IL7: variants seen among roughly 807,000 people sequenced by gnomAD.
The protein encoded by IL7 is interleukin-7.
IL7 carries 3 observed loss-of-function variants against 21.6 expected under a neutral mutation model. That is an observed-to-expected ratio of 0.14 (90% confidence interval 0.06 to 0.36). The LOEUF (loss-of-function observed/expected upper bound fraction) is 0.36, where lower values mean the gene tolerates loss of function less well. Among genes scored for constraint, IL7 ranks in the 10% least tolerant of loss-of-function variants. The pLI, the probability that IL7 is intolerant of heterozygous loss-of-function variation, is 1.00. For synonymous variants in IL7, 62 were observed against 68.1 expected (o/e 0.91, Z 0.44); for missense variants, 175 against 200.2 (o/e 0.87, Z 0.76).
At chr8:78,736,426 G>C in intron 5 of IL7, 48 bp downstream of exon 5, 1 of 1,117,946 alleles carries the variant, frequency 8.9e-7, no homozygotes, top group East Asian at 2.5e-5. Context: ...GAATTAAGTT[G>C]AGTAAAAACC....
At chr8:78,778,202 G>A (rs1813197693) in intron 2 of IL7, among the ~76,000 whole-genome samples, 1 of 152,078 alleles carries the variant, frequency 6.6e-6, no homozygotes, top group South Asian at 2.1e-4. Context: ...TTAACAGCTT[G>A]CACACAATCT....
Position 78,767,940 on chromosome 8 carries a change from T to A in IL7, c.148-27858A>T, listed in dbSNP as rs1586086223. Among the ~76,000 whole-genome samples, 5 of 151,694 alleles carry A rather than the reference T, an allele frequency of 3.3e-5. No homozygotes were observed. The South Asian group carries it at 1.0e-3, about 32-fold the overall frequency. Reference sequence around the variant, plus strand: ...TCCCCCTCCCCCCACCTCACAACAGTCCCCAGAGTGTGATGTTCCCCTTCC... The same window carrying A: ...TCCCCCTCCCCCCACCTCACAACAGACCCCAGAGTGTGATGTTCCCCTTCC... On this transcript the variant is annotated intron_variant, in intron 2 of 5. Coordinates refer to ENST00000263851, the MANE Select transcript of IL7 (RefSeq NM_000880.4).
intron 3 of IL7, among the ~76,000 whole-genome samples, chr8:78,712,388 AG>A (rs1810978397): frequency 1.3e-5 from 2 of 152,050 alleles, no homozygotes; most frequent in Non-Finnish European, 2.9e-5. Context: ...ATTTTTATGA[AG>A]TTTTTTTTAG....
chr8:78,675,586 A>G (rs1302651072), downstream of IL7, among the ~76,000 whole-genome samples: 4 of 152,118 alleles, frequency 2.6e-5, no homozygotes, highest in East Asian at 3.9e-4. Context: ...TGACTCCTCC[A>G]TATTTATCCT....
At chr8:78,788,942 G>T (rs1813598283) in intron 2 of IL7, among the ~76,000 whole-genome samples, 2 of 152,092 alleles carry the variant, frequency 1.3e-5, no homozygotes, top group Admixed American at 6.6e-5. Flanking sequence ...TGTCTTCTTG[G>T]ATAATTGGCC....
At chr8:78,754,031 T>A (rs1409794708) in intron 2 of IL7, among the ~76,000 whole-genome samples, 1 of 152,124 alleles carries the variant, frequency 6.6e-6, no homozygotes, top group Non-Finnish European at 1.5e-5. Flanking sequence ...CAACATAGTA[T>A]TGGAAGTTCT....
intron 2 of IL7, among the ~76,000 whole-genome samples, chr8:78,743,146 C>T (rs1008678775): frequency 6.6e-6 from 1 of 152,112 alleles, no homozygotes; most frequent in Non-Finnish European, 1.5e-5. Flanking sequence ...TTATTGATGG[C>T]CATTTAGTTT....
chr8:78,689,474 A>G, intron 3 of IL7: 13 of 1,118,654 alleles, frequency 1.2e-5, no homozygotes, highest in South Asian at 2.6e-5. Flanking sequence ...TATTTTTCTC[A>G]CCTGCTTTTA....
At chr8:78,764,724 AGACTCAATATT>A (rs1812697437) in intron 2 of IL7, among the ~76,000 whole-genome samples, 1 of 152,166 alleles carries the variant, frequency 6.6e-6, no homozygotes, top group Non-Finnish European at 1.5e-5. Context: ...ATGGGTAGAA[AGACTCAATATT>A]GTCATGATGT....
At chr8:78,675,891 G>C in exon 5 of IL7, 1 of 1,564,618 alleles carries the variant, frequency 6.4e-7, no homozygotes, top group Non-Finnish European at 8.8e-7. Context: ...GTACCTTTAT[G>C]GTTTTACAGA....
intron 2 of IL7, among the ~76,000 whole-genome samples, chr8:78,753,222 C>T (rs1812234218): frequency 6.6e-6 from 1 of 152,202 alleles, no homozygotes; most frequent in Non-Finnish European, 1.5e-5. Flanking sequence ...GTTCCTATTT[C>T]TCCACATCCT....
chr8:78,709,892 A>G (rs1464274920), intron 3 of IL7, among the ~76,000 whole-genome samples: 2 of 152,142 alleles, frequency 1.3e-5, no homozygotes. Context: ...CATCCGGTAA[A>G]TTCTTTTCCC....
chr8:78,729,671 C>T (rs1036751), downstream of IL7, among the ~76,000 whole-genome samples: 33,008 of 151,738 alleles, frequency 0.22, 3,954 homozygotes, highest in Middle Eastern at 0.36. Flanking sequence ...GCTGGTTCTA[C>T]TAGAAGACTT....
intron 2 of IL7, among the ~76,000 whole-genome samples, chr8:78,789,562 A>G (rs1468399550): frequency 6.6e-6 from 1 of 152,096 alleles, no homozygotes; most frequent in African/African-American, 2.4e-5. Flanking sequence ...AAGAGTTTTT[A>G]AAAAGAAGAA....
At chr8:78,752,455 A>G (rs1479924960) in intron 2 of IL7, among the ~76,000 whole-genome samples, 2 of 152,162 alleles carry the variant, frequency 1.3e-5, no homozygotes, top group Non-Finnish European at 2.9e-5. Flanking sequence ...CTTTTTGATA[A>G]TAGCCATTCT....
At chr8:78,757,561 A>C (rs1209502539) in intron 2 of IL7, among the ~76,000 whole-genome samples, 1 of 151,942 alleles carries the variant, frequency 6.6e-6, no homozygotes, top group African/African-American at 2.4e-5. Flanking sequence ...TATATATCTT[A>C]GTGCTCCAGT....
chr8:78,801,528 C>T (rs769090346), intron 1 of IL7, among the ~76,000 whole-genome samples: 1 of 122,562 alleles, frequency 8.2e-6, no homozygotes, highest in African/African-American at 3.2e-5. Context: ...GAGCCATGGC[C>T]GTAAGCCATG....
chr8:78,781,549 A>G lies in IL7; in HGVS notation c.147+16523T>C, dbSNP rs142983428. On this transcript the variant is annotated intron_variant, in intron 2 of 5. Coordinates refer to ENST00000263851, the MANE Select transcript of IL7 (RefSeq NM_000880.4). ...TAAGAGTGTTGAATATTGGCCCCCA[A>G]TCTCTTCTGGCTTGTAGGGTTTCTG... Among the ~76,000 whole-genome samples, 1,163 of 152,098 alleles carry G rather than the reference A, an allele frequency of 7.6e-3. 19 individuals carry two copies. The highest frequency in any genetic ancestry group is 0.026 in the African/African-American group (1,073 of 41,486).
Position 78,687,819 on chromosome 8 carries a change from A to G in IL7, n.215-1872T>C, listed in dbSNP as rs1179914242. On this transcript the variant is annotated intron_variant and non_coding_transcript_variant, in intron 3 of 4. Transcript: ENST00000523959. ...TTATATATATTCATGTAATAAATAT[A>G]TATATTCATGTAATAAATTATATAT... Among the ~76,000 whole-genome samples the G allele has an allele frequency of 1.0e-3, 130 of 130,060 alleles. 2 individuals are homozygous for G. The highest frequency in any genetic ancestry group is 1.7e-3 in the Non-Finnish European group (110 of 63,650). 85.3% of individuals were successfully genotyped at this position (130,060 alleles called of 152,430 possible). A position where few individuals can be genotyped will look rare whatever the true frequency, so the allele number is the denominator to read the frequency against.
Sources: gnomAD v4.1 joint callset for allele counts (sites outside exome capture counted in the v4.1 genomes callset) on GRCh38, gnomAD v4.1.1 for gene constraint, MANE v1.5 for transcripts, NCBI Gene and HGNC (gene_info 2026-07-23, HGNC 2026-07-21) for gene names.